The following LEKR1 variants were observed in gnomAD, a reference collection of about 807,000 sequenced individuals.
The protein encoded by LEKR1 is protein LEKR1.
LEKR1 carries 59 observed loss-of-function variants against 72.4 expected under a neutral mutation model. The observed-to-expected ratio is 0.82, with a 90% CI of 0.66 to 1.01. The LOEUF (loss-of-function observed/expected upper bound fraction) is 1.01. Among genes scored for constraint, LEKR1 ranks in the 50% least tolerant of loss-of-function variants. The pLI, the probability that LEKR1 is intolerant of heterozygous loss-of-function variation, is 0.00. For missense variants in LEKR1, 728 were observed against 759.2 expected (o/e 0.96, Z 0.48); for synonymous variants, 257 against 263.2 (o/e 0.98, Z 0.23).
rs58950224 is a variant in LEKR1 at position 157,017,948 on chromosome 3, C to CAAAAAAAAA, written c.1203+6458_1203+6466dup. Among the ~76,000 whole-genome samples, 111 of 82,912 alleles carry CAAAAAAAAA rather than the reference C, an allele frequency of 1.3e-3. 3 individuals carry two copies. The highest frequency in any genetic ancestry group is 5.0e-3 in the African/African-American group (69 of 13,792). 54.4% of individuals were successfully genotyped at this position (82,912 alleles called of 152,430 possible). A position where few individuals can be genotyped will look rare whatever the true frequency, so the allele number is the denominator to read the frequency against. On this transcript the variant is annotated intron_variant, in intron 10 of 12. Coordinates refer to ENST00000356539, the MANE Select transcript of LEKR1 (RefSeq NM_001004316.3). Reference sequence around the variant, plus strand: ...TGGGCCACAGAGCGAGACTCTGTCTCAAAAAAAAAAAAAAAAAAAAAAAAG... The same window carrying CAAAAAAAAA: ...TGGGCCACAGAGCGAGACTCTGTCTCAAAAAAAAAAAAAAAAAAAAAAAAAAAAAAAAAG...
chr3:156,961,927 T>C (rs1032166966), intron 6 of LEKR1, among the ~76,000 whole-genome samples: 1 of 152,232 alleles, frequency 6.6e-6, no homozygotes, highest in Non-Finnish European at 1.5e-5. Context: ...CAAATGATTA[T>C]ATTTAGTATA....
intron 3 of LEKR1, among the ~76,000 whole-genome samples, chr3:156,891,554 A>T (rs915056440): frequency 2.0e-4 from 31 of 152,076 alleles, no homozygotes; most frequent in African/African-American, 7.5e-4. Flanking sequence ...CAGTGTTATT[A>T]TCTGAGAGAA....
At chr3:156,847,783 C>G (rs1164659275) in intron 2 of LEKR1, among the ~76,000 whole-genome samples, 1 of 152,160 alleles carries the variant, frequency 6.6e-6, no homozygotes, top group Non-Finnish European at 1.5e-5. Flanking sequence ...ATTTTAAAAT[C>G]ACATTGTCTT....
chr3:157,015,996 G>A (rs577956912), intron 10 of LEKR1, among the ~76,000 whole-genome samples: 134 of 152,072 alleles, frequency 8.8e-4, no homozygotes, highest in Non-Finnish European at 1.6e-3. Context: ...TGAAGACACA[G>A]CAATAGAAAA....
At chr3:156,941,558 G>A (rs867169880) in intron 5 of LEKR1, among the ~76,000 whole-genome samples, 32 of 152,102 alleles carry the variant, frequency 2.1e-4, no homozygotes, top group Middle Eastern at 3.4e-3. Context: ...AGCAATAAAC[G>A]AAACCAACCA....
At chr3:156,875,839 C>CA (rs1197337566) in intron 3 of LEKR1, among the ~76,000 whole-genome samples, 2 of 151,628 alleles carry the variant, frequency 1.3e-5, no homozygotes, top group African/African-American at 4.8e-5. Context: ...ACTAAAAATA[C>CA]AAAAAATTAG....
intron 11 of LEKR1, among the ~76,000 whole-genome samples, chr3:157,026,301 C>CA (rs1253189858): frequency 6.6e-6 from 1 of 152,120 alleles, no homozygotes; most frequent in Non-Finnish European, 1.5e-5. Context: ...ATCCCATCAG[C>CA]AGGAGAATGC....
intron 7 of LEKR1, among the ~76,000 whole-genome samples, chr3:156,985,162 T>C (rs900438099): frequency 2.0e-5 from 3 of 152,264 alleles, no homozygotes; most frequent in Admixed American, 1.3e-4. Context: ...CACTAGATAT[T>C]GGAGTAACAA....
At chr3:156,942,853 T>C (rs1228214387) in intron 6 of LEKR1, 139 bp downstream of exon 6, 4 of 350,084 alleles carry the variant, frequency 1.1e-5, no homozygotes, top group Non-Finnish European at 2.1e-5. Flanking sequence ...TTAGTATCAC[T>C]ATGGTGATAA....
intron 3 of LEKR1, among the ~76,000 whole-genome samples, chr3:156,874,070 T>C (rs967226119): frequency 2.0e-5 from 3 of 152,124 alleles, no homozygotes; most frequent in Non-Finnish European, 2.9e-5. Context: ...GTTCATCTGT[T>C]ATTTTGTTAA....
rs1014070040 is a variant in LEKR1 at position 156,881,286 on chromosome 3, A to G, written c.263+28304A>G. On this transcript the variant is annotated intron_variant, in intron 3 of 12. Coordinates refer to ENST00000356539, the MANE Select transcript of LEKR1 (RefSeq NM_001004316.3). ...AGCCCAAAATCTCCTTAACCTGATA[A>G]GCAACTTCAGCAAAGTCTCAGCCTA... Among the ~76,000 whole-genome samples, 3 of 152,112 alleles carry G rather than the reference A, an allele frequency of 2.0e-5. No individual in the cohort carries two copies. The South Asian group carries it at 6.2e-4, about 32-fold the overall frequency.
intron 2 of LEKR1, among the ~76,000 whole-genome samples, chr3:156,847,740 G>T (rs1714809132): frequency 6.6e-6 from 1 of 152,110 alleles, no homozygotes; most frequent in Non-Finnish European, 1.5e-5. Context: ...AATGATTCAG[G>T]TAAAGTCAGA....
intron 6 of LEKR1, among the ~76,000 whole-genome samples, chr3:156,978,974 C>A (rs1729941870): frequency 6.6e-6 from 1 of 152,114 alleles, no homozygotes; most frequent in Admixed American, 6.6e-5. Context: ...AAGAGGCCAA[C>A]AAATTGGGCC....
intron 6 of LEKR1, among the ~76,000 whole-genome samples, chr3:156,958,571 T>C (rs1727853554): frequency 1.3e-5 from 2 of 152,138 alleles, no homozygotes; most frequent in African/African-American, 4.8e-5. Flanking sequence ...TATCTCTGCC[T>C]ACTGTCTATT....
intron 10 of LEKR1, 87 bp from the exon 11 acceptor site, chr3:157,024,672 AT>A: frequency 1.0e-6 from 1 of 985,600 alleles, no homozygotes; most frequent in Non-Finnish European, 1.5e-6. Context: ...ATGTCAGAAC[AT>A]TTTAAAACTT....
chr3:156,885,206 T>A (rs1560052032), intron 3 of LEKR1, among the ~76,000 whole-genome samples: 2 of 152,184 alleles, frequency 1.3e-5, no homozygotes, highest in Non-Finnish European at 2.9e-5. Context: ...AAAAAATTTC[T>A]TTGTGTTGGT....
At chr3:156,980,879 T>C (rs1406241372) in intron 7 of LEKR1, among the ~76,000 whole-genome samples, 1 of 152,214 alleles carries the variant, frequency 6.6e-6, no homozygotes, top group Non-Finnish European at 1.5e-5. Flanking sequence ...TGAATTGATA[T>C]TTTACAGAAT....
chr3:156,877,438 A>G (rs1718738281), intron 3 of LEKR1, among the ~76,000 whole-genome samples: 2 of 152,080 alleles, frequency 1.3e-5, no homozygotes, highest in Admixed American at 6.5e-5. Context: ...GTGAACCCAT[A>G]TAGTCCTGGA....
Position 157,019,322 on chromosome 3 carries a change from A to G in LEKR1, c.1204-5438A>G, listed in dbSNP as rs1733625432. 2.6e-5 allele frequency among the ~76,000 whole-genome samples: 4 copies of G among 152,172 alleles called. No individual in the cohort carries two copies. The South Asian group carries it at 8.3e-4, about 31-fold the overall frequency. On this transcript the variant is annotated intron_variant, in intron 10 of 12. Transcript: ENST00000356539. ...GCTTGGAAAATAGTGAAAAGGCAGT[A>G]TTTTGCATATTGGTATTAAATACAG...
Sources: gnomAD v4.1 joint callset for allele counts (sites outside exome capture counted in the v4.1 genomes callset) on GRCh38, gnomAD v4.1.1 for gene constraint, MANE v1.5 for transcripts, NCBI Gene and HGNC (gene_info 2026-07-23, HGNC 2026-07-21) for gene names.